ALK: variants seen among roughly 807,000 people sequenced by gnomAD.
ALK encodes ALK tyrosine kinase receptor.
A neutral mutation model predicts 163.1 loss-of-function variants in ALK; 74 were observed. The observed-to-expected ratio is 0.45, with a 90% confidence interval of 0.38 to 0.55. The LOEUF (loss-of-function observed/expected upper bound fraction) is 0.55, where lower values mean the gene tolerates loss of function less well. Among genes scored for constraint, ALK ranks in the 20% least tolerant of loss-of-function variants. ALK has a pLI of 0.00. For missense variants in ALK, 2,063 were observed against 2,105.3 expected (o/e 0.98, Z 0.39); for synonymous variants, 960 against 843.2 (o/e 1.14, Z -2.40).
At chr2:29,516,249 T>C (rs1448568483) in intron 4 of ALK, among the ~76,000 whole-genome samples, 1 of 152,192 alleles carries the variant, frequency 6.6e-6, no homozygotes, top group African/African-American at 2.4e-5. Flanking sequence ...TGGGGTTTGG[T>C]GGGAGTATAG....
At chr2:29,648,878 T>C (rs1676959131) in intron 3 of ALK, among the ~76,000 whole-genome samples, 1 of 152,166 alleles carries the variant, frequency 6.6e-6, no homozygotes, top group South Asian at 2.1e-4. Context: ...ACTTTGCATG[T>C]GTAAAAAAAA....
intron 3 of ALK, among the ~76,000 whole-genome samples, chr2:29,567,205 C>T (rs180684961): frequency 6.6e-5 from 10 of 152,302 alleles, no homozygotes; most frequent in South Asian, 2.1e-4. Context: ...CAGGTAACAC[C>T]TTTTGGTTGT....
intron 5 of ALK, 133 bp downstream of exon 5, chr2:29,383,599 G>A: frequency 2.5e-6 from 3 of 1,212,868 alleles, no homozygotes; most frequent in Non-Finnish European, 3.5e-6. Flanking sequence ...TTACAGGTGT[G>A]AGCCACAGCA....
chr2:29,504,093 AAC>A (rs1320903970), intron 4 of ALK, among the ~76,000 whole-genome samples: 1 of 152,114 alleles, frequency 6.6e-6, no homozygotes, highest in Non-Finnish European at 1.5e-5. Flanking sequence ...GACAGAGGAA[AAC>A]ACAGATCACA....
intron 5 of ALK, among the ~76,000 whole-genome samples, chr2:29,366,209 G>A (rs889342985): frequency 6.6e-6 from 1 of 152,186 alleles, no homozygotes; most frequent in Non-Finnish European, 1.5e-5. Context: ...AGAATGTGCA[G>A]TGATGTGGAA....
At chr2:29,231,003 A>T (rs1664186312) in intron 15 of ALK, among the ~76,000 whole-genome samples, 1 of 152,174 alleles carries the variant, frequency 6.6e-6, no homozygotes, top group Non-Finnish European at 1.5e-5. Flanking sequence ...GGAAAGGAAA[A>T]TAACCCATAT....
intron 3 of ALK, among the ~76,000 whole-genome samples, chr2:29,640,868 T>C (rs1403912693): frequency 6.6e-6 from 1 of 151,932 alleles, no homozygotes; most frequent in Non-Finnish European, 1.5e-5. Context: ...GAAGGAGAAA[T>C]AGACATTTAA....
chr2:29,651,849 A>G (rs2339538), intron 3 of ALK, among the ~76,000 whole-genome samples: 99,635 of 152,008 alleles, frequency 0.66, 33,189 homozygotes, highest in Middle Eastern at 0.76. Flanking sequence ...TAATTACCAT[A>G]AATATCTTTT....
At chr2:29,372,424 A>G (rs940271512) in intron 5 of ALK, among the ~76,000 whole-genome samples, 3 of 152,112 alleles carry the variant, frequency 2.0e-5, no homozygotes, top group Non-Finnish European at 2.9e-5. Context: ...ACTCATACCA[A>G]TTGTTTGTAT....
intron 3 of ALK, among the ~76,000 whole-genome samples, chr2:29,618,294 T>C (rs531882856): frequency 1.3e-5 from 2 of 152,214 alleles, no homozygotes; most frequent in Admixed American, 1.3e-4. Context: ...CTTTTTTTCC[T>C]GAAACAACTG....
intron 1 of ALK, among the ~76,000 whole-genome samples, chr2:29,845,603 T>G (rs928408401): frequency 5.9e-5 from 9 of 152,104 alleles, no homozygotes; most frequent in African/African-American, 2.2e-4. Flanking sequence ...ACCGGCCAAT[T>G]TTGTATTTTT....
At chr2:29,739,672 G>C (rs891372638) in intron 1 of ALK, among the ~76,000 whole-genome samples, 2 of 151,688 alleles carry the variant, frequency 1.3e-5, no homozygotes, top group African/African-American at 4.9e-5. Context: ...TAATATATTC[G>C]AGCCTCCTTT....
In ALK at chr2:29,900,130, C is replaced by A. The variant is rs1667375660; in HGVS notation, c.667+19863G>T. Among the ~76,000 whole-genome samples, 3 of 152,276 alleles carry A rather than the reference C, an allele frequency of 2.0e-5. No homozygotes were observed. The South Asian group carries it at 6.2e-4, about 31-fold the overall frequency. ...CTCTGGCCCACGCCAATTTCCCTGT[C>A]TTGCCCAGATGAATGGGCTTTGGAA... On this transcript the variant is annotated intron_variant, in intron 1 of 28. Transcript: ENST00000389048.
intron 4 of ALK, among the ~76,000 whole-genome samples, chr2:29,441,504 CATCTGGGATCCCTGA>C (rs1172458314): frequency 6.6e-6 from 1 of 152,164 alleles, no homozygotes; most frequent in Non-Finnish European, 1.5e-5. Context: ...GATCAGTGCT[CATCTGGGATCCCTGA>C]GTCTGGGGAA....
At chr2:29,717,932 C>T (rs1223582170) in intron 1 of ALK, among the ~76,000 whole-genome samples, 2 of 152,206 alleles carry the variant, frequency 1.3e-5, no homozygotes, top group Non-Finnish European at 2.9e-5. Flanking sequence ...CAAGGCCATG[C>T]TGAGGATCTC....
chr2:29,630,023 A>G (rs79808960), intron 3 of ALK, among the ~76,000 whole-genome samples: 2,236 of 152,298 alleles, frequency 0.015, 51 homozygotes, highest in African/African-American at 0.051. Flanking sequence ...ATAAATAGGA[A>G]GATATTATGC....
At chr2:29,494,843 CGTGTGT>C (rs35306598) in intron 4 of ALK, among the ~76,000 whole-genome samples, 218 of 147,280 alleles carry the variant, frequency 1.5e-3, no homozygotes, top group African/African-American at 3.8e-3. Flanking sequence ...TTTAGAGACT[CGTGTGT>C]GTGTGTGTGT....
chr2:29,646,922 A>G (rs1676891904), intron 3 of ALK, among the ~76,000 whole-genome samples: 1 of 152,198 alleles, frequency 6.6e-6, no homozygotes, highest in Non-Finnish European at 1.5e-5. Context: ...AGGATCAAGA[A>G]AGCAGGGATT....
intron 11 of ALK, among the ~76,000 whole-genome samples, chr2:29,256,506 T>A (rs540202178): frequency 6.6e-6 from 1 of 152,232 alleles, no homozygotes; most frequent in Admixed American, 6.5e-5. Context: ...ACGAAGTAGA[T>A]AACTGGTCTA....
Sources: gnomAD v4.1 joint callset for allele counts (sites outside exome capture counted in the v4.1 genomes callset) on GRCh38, gnomAD v4.1.1 for gene constraint, MANE v1.5 for transcripts, NCBI Gene and HGNC (gene_info 2026-07-23, HGNC 2026-07-21) for gene names.